The following ABCB9 variants were observed in gnomAD, a reference collection of about 807,000 sequenced individuals.
The protein encoded by ABCB9 is ATP binding cassette subfamily B member 9.
Under a neutral mutation model 62.0 loss-of-function variants are expected in ABCB9, and 36 were observed. The ratio of observed to expected loss-of-function variants is 0.58; its 90% CI spans 0.45 to 0.77. The LOEUF (loss-of-function observed/expected upper bound fraction) is 0.77. Among genes scored for constraint, ABCB9 ranks in the 30% least tolerant of loss-of-function variants. ABCB9 has a pLI of 0.00. For missense variants in ABCB9, 943 were observed against 1,054.7 expected, an observed-to-expected ratio of 0.89 and a Z score of 1.47; for synonymous variants, 435 against 461.4, an observed-to-expected ratio of 0.94 and a Z score of 0.73.
rs990726676 is a variant in ABCB9, at chr12:122,944,789, C to T, written c.1252-270G>A. 8 of 351,884 alleles carry T rather than the reference C, an allele frequency of 2.3e-5. No individual in the cohort carries two copies. The highest frequency in any genetic ancestry group is 7.8e-5 in the South Asian group (2 of 25,686). 21.8% of individuals were successfully genotyped at this position (351,884 alleles called of 1,614,324 possible). On this transcript the variant is annotated intron_variant, in intron 6 of 11. Coordinates refer to ENST00000280560, the MANE Select transcript of ABCB9 (RefSeq NM_019625.4). The surrounding 1 kb of genome is among the most constrained non-coding windows in gnomAD (Gnocchi z 4.9). Reference sequence around the variant, plus strand: ...TTGTGAGGTCCTGGCACACACATGCCACCCCCAGGCTCCTCAGCTTGGCCA... The same window carrying T: ...TTGTGAGGTCCTGGCACACACATGCTACCCCCAGGCTCCTCAGCTTGGCCA...
At position 122,960,142 on chromosome 12, in the gene ABCB9, G is replaced by A. The variant is rs368376399; in HGVS notation, c.94C>T (p.Arg32Cys). The stretch of plus-strand genomic sequence containing the variant: ...TGGCGGATGTCCTCCAGGAGGCTGC[G>A]GTCCAGGTGGCTGAAGACATAGATG... Reference protein sequence around the residue: ...TAIYVFSHLDRSLLEDIRHFN... With the variant: ...TAIYVFSHLDCSLLEDIRHFN... Residue 32 changes from arginine to cysteine, a missense_variant, in exon 2 of 12, where the codon CGC becomes TGC. Physicochemically the swap from Arg to Cys is radical, Grantham distance 180. Transcript: ENST00000280560. The A allele has an allele frequency of 1.2e-5, 19 of 1,613,706 alleles. No homozygotes were observed. Among genetic ancestry groups the A allele is most frequent in the Admixed American group, 8.3e-5 (5 of 60,030 alleles).
rs535693191 is a variant in ABCB9 at position 122,940,796 on chromosome 12, C to G, written c.1569+11G>C. 1 of 1,566,494 alleles carries G rather than the reference C, an allele frequency of 6.4e-7. No individual in the cohort carries two copies. Among genetic ancestry groups the G allele is most frequent in the African/African-American group, 1.3e-5 (1 of 74,378 alleles). On this transcript the variant is annotated intron_variant, in intron 8 of 11. Transcript: ENST00000280560. This position sits in a 1 kb window ranked among gnomAD's most constrained non-coding sequence, Gnocchi z 4.8. ...AGGCTGATTCTGGCAGGCCTCAAGC[C>G]GCGCCCTCACCTGCAGGACCTGGGT...
intron 10 of ABCB9, 79 bp downstream of exon 10, chr12:122,935,193 G>A: frequency 7.0e-7 from 1 of 1,434,082 alleles, no homozygotes; most frequent in African/African-American, 1.4e-5. Context: ...GGTGGCAGGG[G>A]GCAGTGCTTA....
intron 2 of ABCB9, chr12:122,952,746 C>T (rs887557114): frequency 6.6e-6 from 1 of 152,236 alleles, no homozygotes; most frequent in African/African-American, 2.4e-5. Context: ...AACTCTCTTG[C>T]TGAATCTGCA....
chr12:122,939,837 T>G (rs2035651230), intron 9 of ABCB9: 4 of 349,074 alleles, frequency 1.1e-5, no homozygotes, highest in Non-Finnish European at 2.1e-5. Context: ...TGCCCTTTTT[T>G]TCTTTTTTAA....
Position 122,935,567 on chromosome 12 carries a change from T to C in ABCB9, c.1744-136A>G, listed in dbSNP as rs60920158. ...CCTGATCAGGGCCCAGTGACTGCAC[T>C]GAGCTGCCTCTCTTCTTCCCCAACA... On this transcript the variant is annotated intron_variant, in intron 9 of 11. Transcript: ENST00000280560. 6.2e-3 allele frequency: 6,336 copies of C among 1,020,108 alleles called. 234 individuals carry two copies. The African/African-American group carries it at 0.086, about 14-fold the overall frequency. The allele number at this position is 1,020,108 out of a possible 1,614,324, so 63.2% of individuals were successfully genotyped here.
chr12:122,970,520 T>C (rs902908774), upstream of ABCB9, among the ~76,000 whole-genome samples: 2 of 152,142 alleles, frequency 1.3e-5, no homozygotes, highest in Admixed American at 1.3e-4. Flanking sequence ...AGTGCTGGGA[T>C]TACAGGTGTG....
At chr12:122,970,414 A>G (rs2037257035), upstream of ABCB9, among the ~76,000 whole-genome samples, 1 of 151,908 alleles carries the variant, frequency 6.6e-6, no homozygotes, top group African/African-American at 2.4e-5. Context: ...CGCCTGGCTA[A>G]TTTTTGTATT....
rs2035695723 is a variant in ABCB9 at position 122,940,413 on chromosome 12, C to A, written c.1570-129G>T. 9.2e-7 allele frequency: 1 copy of A among 1,092,124 alleles called. No individual in the cohort carries two copies. Among genetic ancestry groups the A allele is most frequent in the East Asian group, 2.5e-5 (1 of 39,474 alleles). The allele number at this position is 1,092,124 out of a possible 1,614,324, so 67.7% of individuals were successfully genotyped here. On this transcript the variant is annotated intron_variant, in intron 8 of 11. Coordinates refer to ENST00000280560, the MANE Select transcript of ABCB9 (RefSeq NM_019625.4). The surrounding 1 kb of genome is among the most constrained non-coding windows in gnomAD (Gnocchi z 4.8). ...GTGCCTCTCCCTCGCTTGGGCACTGCTGGCCCCTAAACGTTCTTTCTAAGA... is the reference window on the plus strand; with the variant it reads ...GTGCCTCTCCCTCGCTTGGGCACTGATGGCCCCTAAACGTTCTTTCTAAGA...
chr12:122,945,706 C>T (rs1312477361), intron 6 of ABCB9, among the ~76,000 whole-genome samples: 2 of 151,918 alleles, frequency 1.3e-5, no homozygotes, highest in East Asian at 1.9e-4. Flanking sequence ...AGTGAAACCC[C>T]GTCTCTACCA....
chr12:122,949,130 C>T (rs1336303324), intron 4 of ABCB9: 1 of 261,600 alleles, frequency 3.8e-6, no homozygotes, highest in African/African-American at 2.2e-5. Flanking sequence ...AGACTTCAAA[C>T]CCATGTCTCC....
At chr12:122,934,083 A>G (rs1381574809) in intron 10 of ABCB9, among the ~76,000 whole-genome samples, 1 of 151,914 alleles carries the variant, frequency 6.6e-6, no homozygotes, top group Non-Finnish European at 1.5e-5. Context: ...GTCTCTACTA[A>G]CAATACAAAA....
intron 5 of ABCB9, chr12:122,946,449 C>G (rs1351137001): frequency 1.7e-6 from 1 of 579,160 alleles, no homozygotes; most frequent in Non-Finnish European, 3.1e-6. Context: ...GCAATGGTTT[C>G]AGCTCCTGAA....
chr12:122,950,252 A>C (rs560681311), intron 3 of ABCB9, among the ~76,000 whole-genome samples, 199 bp downstream of exon 3: 9 of 152,292 alleles, frequency 5.9e-5, no homozygotes, highest in African/African-American at 1.9e-4. Flanking sequence ...AGCCCTTTTC[A>C]GGGACCAGAG....
chr12:122,927,911 T>C (rs957720973), downstream of ABCB9, among the ~76,000 whole-genome samples: 1 of 152,198 alleles, frequency 6.6e-6, no homozygotes, highest in Non-Finnish European at 1.5e-5. Context: ...CATCTGAAGA[T>C]ATGCTAAGTC....
chr12:122,923,470 T>C (rs969201889), intron 11 of ABCB9, among the ~76,000 whole-genome samples: 2 of 152,014 alleles, frequency 1.3e-5, no homozygotes, highest in African/African-American at 4.8e-5. Flanking sequence ...TTTGTATTTT[T>C]AGTAGAGACG....
At chr12:122,970,510 A>C (rs1396120010), upstream of ABCB9, among the ~76,000 whole-genome samples, 2 of 152,114 alleles carry the variant, frequency 1.3e-5, no homozygotes. Flanking sequence ...GGCCTCCCAA[A>C]GTGCTGGGAT....
chr12:122,962,581 A>G (rs1198591876), intron 1 of ABCB9, among the ~76,000 whole-genome samples: 1 of 152,096 alleles, frequency 6.6e-6, no homozygotes, highest in Admixed American at 6.5e-5. Flanking sequence ...GAGAGACAAA[A>G]CCACCTGATC....
chr12:122,973,618 T>G (rs561250729), intron 1 of ABCB9, among the ~76,000 whole-genome samples: 64 of 123,916 alleles, frequency 5.2e-4, no homozygotes, highest in African/African-American at 1.9e-3. Context: ...AACAAAAACT[T>G]TGGGAGGCCG....
Sources: allele counts gnomAD v4.1 joint callset (sites outside exome capture counted in the v4.1 genomes callset), GRCh38; gene constraint gnomAD v4.1.1; non-coding constraint Gnocchi (gnomAD v3.1); transcripts MANE v1.5; gene names NCBI Gene and HGNC (gene_info 2026-07-23, HGNC 2026-07-21).